The following PDE4D variants were observed in gnomAD, a reference collection of about 807,000 sequenced individuals.
The protein encoded by PDE4D is 3',5'-cyclic-AMP phosphodiesterase 4D.
PDE4D carries 24 observed loss-of-function variants against 87.4 expected under a neutral mutation model. That is an observed-to-expected ratio of 0.27 (90% CI 0.20 to 0.39). PDE4D has a LOEUF of 0.39. PDE4D is among the 10% of genes least tolerant of loss of function. The pLI is 1.00. For missense variants in PDE4D, 714 were observed against 1,041.0 expected (o/e 0.69, Z 4.32); for synonymous variants, 384 against 383.2 (o/e 1.00, Z -0.02).
At chr5:60,048,644 T>C (rs1395076300) in intron 2 of PDE4D, among the ~76,000 whole-genome samples, 1 of 152,096 alleles carries the variant, frequency 6.6e-6, no homozygotes, top group Non-Finnish European at 1.5e-5. Flanking sequence ...TGGCTGGATA[T>C]GAAATTCTGG....
intron 1 of PDE4D, among the ~76,000 whole-genome samples, chr5:59,540,147 G>C (rs188346284): frequency 2.6e-3 from 391 of 152,266 alleles, no homozygotes; most frequent in Middle Eastern, 0.014. Context: ...CACGCTTTGA[G>C]ATGTGACTTA....
intron 1 of PDE4D, among the ~76,000 whole-genome samples, chr5:60,501,982 G>A (rs1750100754): frequency 6.6e-6 from 1 of 152,054 alleles, no homozygotes; most frequent in Non-Finnish European, 1.5e-5. Context: ...AGTTTCTTTT[G>A]CTGTGCAGAA....
chr5:59,651,841 T>C (rs1271984390), intron 1 of PDE4D, among the ~76,000 whole-genome samples: 1 of 152,282 alleles, frequency 6.6e-6, no homozygotes, highest in East Asian at 1.9e-4. Context: ...CCATTTGTAG[T>C]GGATGATGTG....
chr5:59,827,122 T>C (rs113202432), intron 1 of PDE4D, among the ~76,000 whole-genome samples: 1,854 of 152,170 alleles, frequency 0.012, 13 homozygotes, highest in Non-Finnish European at 0.021. Context: ...ATTGCCTCTA[T>C]AGTCATTTTT....
intron 1 of PDE4D, among the ~76,000 whole-genome samples, chr5:60,471,482 A>G (rs1020491691): frequency 1.4e-4 from 22 of 152,194 alleles, no homozygotes; most frequent in African/African-American, 5.3e-4. Flanking sequence ...ATAAAATGCT[A>G]TCAAACAGCA....
intron 1 of PDE4D, among the ~76,000 whole-genome samples, chr5:60,240,069 G>T (rs530002353): frequency 4.6e-5 from 7 of 152,102 alleles, no homozygotes; most frequent in Non-Finnish European, 8.8e-5. Flanking sequence ...AACATGCCAT[G>T]TTAACCTATT....
chr5:59,892,126 A>G (rs1751043557), intron 1 of PDE4D, among the ~76,000 whole-genome samples: 1 of 152,172 alleles, frequency 6.6e-6, no homozygotes, highest in Admixed American at 6.5e-5. Context: ...CAGGGAAGAA[A>G]GGAGCTGTCC....
At chr5:60,187,089 G>C (rs1784842207) in intron 1 of PDE4D, among the ~76,000 whole-genome samples, 1 of 152,162 alleles carries the variant, frequency 6.6e-6, no homozygotes, top group African/African-American at 2.4e-5. Flanking sequence ...AGGGAAACAA[G>C]GGACAAAGCC....
intron 1 of PDE4D, among the ~76,000 whole-genome samples, chr5:60,317,869 C>A (rs1755790731): frequency 6.6e-6 from 1 of 152,128 alleles, no homozygotes. Context: ...GTTATAATTT[C>A]TGTTCTTTTA....
At chr5:60,233,313 A>C (rs1161070782) in intron 1 of PDE4D, among the ~76,000 whole-genome samples, 1 of 151,780 alleles carries the variant, frequency 6.6e-6, no homozygotes, top group Non-Finnish European at 1.5e-5. Flanking sequence ...AGGTAGCTGA[A>C]TATCTGTAAT....
rs200568956 is a variant in PDE4D at position 59,492,733 on chromosome 5, C to T, written c.456-276765G>A. Among the ~76,000 whole-genome samples the T allele has an allele frequency of 3.3e-5, 5 of 151,680 alleles. No homozygotes were observed. In the East Asian group the frequency reaches 7.8e-4, roughly 24 times the overall value. ...TTAGGCTGTGTCCCCACCCAAATCTCATCTTGGATTGTAGCTCCCACAATT... is the reference window on the plus strand; with the variant it reads ...TTAGGCTGTGTCCCCACCCAAATCTTATCTTGGATTGTAGCTCCCACAATT... On this transcript the variant is annotated intron_variant, in intron 1 of 14. Coordinates refer to ENST00000340635, the MANE Select transcript of PDE4D (RefSeq NM_001104631.2).
At chr5:59,154,723 TA>T (rs1779918117) in intron 5 of PDE4D, among the ~76,000 whole-genome samples, 1 of 152,132 alleles carries the variant, frequency 6.6e-6, no homozygotes, top group South Asian at 2.1e-4. Context: ...CTGTCTCTAC[TA>T]AAAATACAAA....
chr5:59,306,400 C>T (rs113880251), intron 1 of PDE4D, among the ~76,000 whole-genome samples: 3,407 of 152,166 alleles, frequency 0.022, 126 homozygotes, highest in African/African-American at 0.077. Context: ...ATGTCAGTAT[C>T]GAAATGTGAG....
At chr5:60,506,076 T>C (rs1403194011) in intron 1 of PDE4D, among the ~76,000 whole-genome samples, 1 of 152,236 alleles carries the variant, frequency 6.6e-6, no homozygotes, top group Non-Finnish European at 1.5e-5. Context: ...CTGTCTGAGA[T>C]CCAGATGGCA....
chr5:59,608,604 T>A (rs1213814777), intron 1 of PDE4D, among the ~76,000 whole-genome samples: 1 of 152,144 alleles, frequency 6.6e-6, no homozygotes, highest in Admixed American at 6.6e-5. Context: ...GCATTTACCC[T>A]GTCCTGGGTA....
intron 1 of PDE4D, among the ~76,000 whole-genome samples, chr5:59,862,762 T>A (rs1409424756): frequency 6.6e-6 from 1 of 152,178 alleles, no homozygotes; most frequent in Non-Finnish European, 1.5e-5. Context: ...TTTCTTAATA[T>A]CTCTGTGCCT....
At chr5:59,137,071 T>C (rs576468216) in intron 5 of PDE4D, among the ~76,000 whole-genome samples, 63 of 152,270 alleles carry the variant, frequency 4.1e-4, no homozygotes, top group African/African-American at 1.4e-3. Flanking sequence ...GCATGAACCG[T>C]AGACACAAGA....
chr5:60,219,353 A>G (rs927322271), intron 1 of PDE4D, among the ~76,000 whole-genome samples: 5 of 152,142 alleles, frequency 3.3e-5, no homozygotes, highest in Admixed American at 6.5e-5. Flanking sequence ...AATCTGTTTT[A>G]TGTTTGTTTC....
At chr5:59,870,817 G>A (rs1235866452) in intron 1 of PDE4D, among the ~76,000 whole-genome samples, 1 of 152,188 alleles carries the variant, frequency 6.6e-6, no homozygotes, top group Non-Finnish European at 1.5e-5. Context: ...GTGAAGCCAG[G>A]ACAGCAGAAA....
Sources: allele counts gnomAD v4.1 joint callset (sites outside exome capture counted in the v4.1 genomes callset), GRCh38; gene constraint gnomAD v4.1.1; transcripts MANE v1.5; gene names NCBI Gene and HGNC (gene_info 2026-07-23, HGNC 2026-07-21).